The following ZGPAT variants were observed in gnomAD, a reference collection of about 807,000 sequenced individuals.
ZGPAT encodes zinc finger CCCH-type with G patch domain-containing protein.
A neutral mutation model predicts 47.9 loss-of-function variants in ZGPAT; 39 were observed. The ratio of observed to expected loss-of-function variants is 0.81; its 90% CI spans 0.63 to 1.06. The LOEUF (loss-of-function observed/expected upper bound fraction) is 1.06. Ranked by LOEUF, ZGPAT falls within the 50% of genes least tolerant of loss-of-function variation. The probability of loss-of-function intolerance (pLI) is 0.00; values close to 1 mark genes in which losing one functional copy is unlikely to be tolerated. For missense variants in ZGPAT, 717 were observed against 681.4 expected (o/e 1.05, Z -0.58); for synonymous variants, 348 against 292.9 (o/e 1.19, Z -1.92).
Position 63,733,258 on chromosome 20 carries a change from C to T in ZGPAT, c.624C>T (p.Arg208=). 6.2e-7 allele frequency: 1 copy of T among 1,613,842 alleles called. No individual in the cohort carries two copies. Among genetic ancestry groups the T allele is most frequent in the Non-Finnish European group, 8.5e-7 (1 of 1,179,942 alleles). Residue 208 remains arginine (R), a synonymous_variant, in exon 3 of 7, where the codon CGC becomes CGT. Transcript: ENST00000355969. The part of the protein sequence containing the change: ...HGQVVSLDEL[R]PFQDPDLSSL... ...AGGTGGTCTCTCTGGATGAGCTGCG[C>T]CCCTTCCAGGACCCAGACCTGAGCT...
chr20:63,732,106 CAT>C (rs1452845380), intron 2 of ZGPAT, among the ~76,000 whole-genome samples: 2 of 135,634 alleles, frequency 1.5e-5, no homozygotes, highest in African/African-American at 2.5e-5. Flanking sequence ...TGTGTATATG[CAT>C]ATATGAGTGA....
chr20:63,734,375 G>C, intron 4 of ZGPAT: 2 of 414,216 alleles, frequency 4.8e-6, no homozygotes, highest in Non-Finnish European at 8.7e-6. Context: ...TGTGAGGGCA[G>C]GTGAGGCGCT....
intron 2 of ZGPAT, among the ~76,000 whole-genome samples, chr20:63,723,943 C>T (rs372928876): frequency 2.6e-4 from 40 of 151,958 alleles, no homozygotes; most frequent in South Asian, 6.2e-4. Context: ...TGGTGGCACG[C>T]GCCTGTAGTC....
chr20:63,730,111 A>G (rs1331402694), intron 2 of ZGPAT: 2 of 152,008 alleles, frequency 1.3e-5, no homozygotes, highest in Non-Finnish European at 2.9e-5. Flanking sequence ...AATATTGTCA[A>G]ATATTCTAGA....
rs1338354367 is a variant in ZGPAT at position 63,731,447 on chromosome 20, G to C, written c.585-1772G>C. 6.0e-5 allele frequency among the ~76,000 whole-genome samples: 9 copies of C among 150,250 alleles called. No homozygotes were observed. In the Admixed American group the frequency reaches 6.0e-4, roughly 10 times the overall value. The stretch of plus-strand genomic sequence containing the variant: ...TGTGCATACGTGTGTAAAGTGTACA[G>C]TTGGTCCTTGGTGTGTATGTGTGCA... On this transcript the variant is annotated intron_variant, in intron 2 of 6. Transcript: ENST00000355969.
intron 2 of ZGPAT, among the ~76,000 whole-genome samples, chr20:63,718,278 T>C (rs1220700338): frequency 6.6e-6 from 1 of 152,178 alleles, no homozygotes; most frequent in Admixed American, 6.6e-5. Context: ...TTACTCGTTA[T>C]TCAAGAGTGT....
chr20:63,715,534 G>A (rs944013750), intron 2 of ZGPAT, among the ~76,000 whole-genome samples: 4 of 151,932 alleles, frequency 2.6e-5, no homozygotes, highest in African/African-American at 9.7e-5. Flanking sequence ...CCACCGCAGC[G>A]AGCCTTATCT....
At chr20:63,722,044 C>T (rs1294635557) in intron 2 of ZGPAT, among the ~76,000 whole-genome samples, 1 of 149,844 alleles carries the variant, frequency 6.7e-6, no homozygotes, top group African/African-American at 2.5e-5. Context: ...ATGCCATCAA[C>T]AGCACGACCC....
chr20:63,709,221 G>C lies in ZGPAT; in HGVS notation c.584+57G>C, dbSNP rs779956510. On this transcript the variant is annotated intron_variant, in intron 2 of 6. Transcript: ENST00000355969. ...AGGGGCGTAAGGGGCACGCACACAG[G>C]GTCGGGTCAGGATCGGCCCTCCCTT... The C allele has an allele frequency of 4.4e-6, 7 of 1,585,170 alleles. No homozygotes were observed. The East Asian group carries it at 1.6e-4, about 35-fold the overall frequency.
intron 2 of ZGPAT, among the ~76,000 whole-genome samples, chr20:63,716,676 A>G (rs2091731902): frequency 6.6e-6 from 1 of 150,786 alleles, no homozygotes; most frequent in Non-Finnish European, 1.5e-5. Context: ...ACACCCAGCT[A>G]GTTTTGTTTT....
chr20:63,727,723 A>G (rs2091859897), intron 2 of ZGPAT, among the ~76,000 whole-genome samples: 1 of 150,656 alleles, frequency 6.6e-6, no homozygotes, highest in Non-Finnish European at 1.5e-5. Context: ...TTGCCATCAT[A>G]TTTTCATTTA....
At chr20:63,719,964 A>G (rs939256445) in intron 2 of ZGPAT, among the ~76,000 whole-genome samples, 1 of 151,628 alleles carries the variant, frequency 6.6e-6, no homozygotes, top group Admixed American at 6.6e-5. Context: ...CTGGTCTTAA[A>G]CTACTAACCT....
intron 2 of ZGPAT, among the ~76,000 whole-genome samples, chr20:63,719,758 G>A (rs1342318036): frequency 2.1e-5 from 2 of 95,834 alleles, no homozygotes; most frequent in Non-Finnish European, 4.4e-5. Flanking sequence ...TTTTTTTTTT[G>A]AAGCGGGGTT....
chr20:63,727,690 A>AG (rs1491503585), intron 2 of ZGPAT, among the ~76,000 whole-genome samples: 6 of 150,712 alleles, frequency 4.0e-5, no homozygotes, highest in Admixed American at 1.3e-4. Flanking sequence ...AAAAAAAAAA[A>AG]GGATTCTCTA....
intron 2 of ZGPAT, among the ~76,000 whole-genome samples, chr20:63,727,221 C>G (rs1485844780): frequency 7.1e-6 from 1 of 141,428 alleles, no homozygotes; most frequent in Non-Finnish European, 1.5e-5. Context: ...TCTGGAATTT[C>G]CATTTGATTT....
At position 63,734,789 on chromosome 20, in the gene ZGPAT, G is replaced by C. The variant is rs779980060; in HGVS notation, c.956G>C (p.Arg319Thr). 1.2e-6 allele frequency: 2 copies of C among 1,609,704 alleles called. No homozygotes were observed. The highest frequency in any genetic ancestry group is 1.7e-6 in the Non-Finnish European group (2 of 1,177,926). Residue 319 changes from arginine to threonine, a missense_variant, in exon 5 of 7, where the codon AGA (arginine) becomes ACA (threonine). Transcript: ENST00000355969. ...WEVHTRGIGS[R>T]LLTKMGYEFG... The stretch of plus-strand genomic sequence containing the variant: ...GTGCACACGCGAGGTATAGGCTCCA[G>C]ACTCCTCACCAAGATGGGCTATGAG...
At chr20:63,735,718 A>G in intron 6 of ZGPAT, 63 bp from the exon 7 acceptor site, 1 of 1,552,112 alleles carries the variant, frequency 6.4e-7, no homozygotes, top group Non-Finnish European at 8.7e-7. Flanking sequence ...GGCAGTGGGT[A>G]CGGCAGACTG....
At chr20:63,730,922 TTCTCTCTCTCTC>T (rs33915732) in intron 2 of ZGPAT, among the ~76,000 whole-genome samples, 32,937 of 124,480 alleles carry the variant, frequency 0.26, 4,746 homozygotes, top group Non-Finnish European at 0.34. Context: ...TTCCTCTTCA[TTCTCTCTCTCTC>T]TCTCTCTCTC....
At chr20:63,730,519 C>G (rs2091886719) in intron 2 of ZGPAT, 1 of 152,320 alleles carries the variant, frequency 6.6e-6, no homozygotes, top group Admixed American at 6.5e-5. Flanking sequence ...CAGTCTCACT[C>G]TGTCTTCCAG....
Sources: allele counts gnomAD v4.1 joint callset (sites outside exome capture counted in the v4.1 genomes callset), GRCh38; gene constraint gnomAD v4.1.1; transcripts MANE v1.5; gene names NCBI Gene and HGNC (gene_info 2026-07-23, HGNC 2026-07-21).